MINDY4B: variants seen among roughly 807,000 people sequenced by gnomAD.
MINDY4B encodes the protein MINDY family member 4B, also known as inactive ubiquitin carboxyl-terminal hydrolase MINDY-4B.
MINDY4B carries 25 observed loss-of-function variants against 16.7 expected under a neutral mutation model. That is an observed-to-expected ratio of 1.49 (90% CI 1.09 to 2.09). The LOEUF (loss-of-function observed/expected upper bound fraction) is 2.09, where lower values mean the gene tolerates loss of function less well. Ranked by LOEUF, MINDY4B falls within the 30% of genes most tolerant of loss-of-function variation. The probability of loss-of-function intolerance (pLI) is 0.00; values close to 1 mark genes in which losing one functional copy is unlikely to be tolerated. For missense variants in MINDY4B, 327 were observed against 168.4 expected (o/e 1.94, Z -5.21); for synonymous variants, 132 against 61.9 (o/e 2.13, Z -5.32).
intron 9 of MINDY4B, 129 bp downstream of exon 9, chr3:150,883,571 G>A (rs916769963): frequency 6.2e-5 from 39 of 627,386 alleles, no homozygotes; most frequent in Admixed American, 2.5e-5. Context: ...TTTACTTAAG[G>A]AGAGAATATA....
intron 11 of MINDY4B, among the ~76,000 whole-genome samples, chr3:150,872,661 G>A (rs983435455): frequency 1.2e-4 from 18 of 152,182 alleles, no homozygotes; most frequent in African/African-American, 3.1e-4. Context: ...GACCTGTGCC[G>A]CATTCACCAG....
chr3:150,887,836 CG>C (rs1348910318), intron 7 of MINDY4B, among the ~76,000 whole-genome samples: 3 of 152,032 alleles, frequency 2.0e-5, no homozygotes, highest in Admixed American at 2.0e-4. Context: ...TTGCCAGGCG[CG>C]GTGGCTCACG....
At chr3:150,890,682 T>A in intron 6 of MINDY4B, 1 of 506,986 alleles carries the variant, frequency 2.0e-6, no homozygotes, top group Non-Finnish European at 3.5e-6. Context: ...ACAGTGGATA[T>A]GGAAATATCA....
At chr3:150,884,470 T>C (rs1251668863) in intron 8 of MINDY4B, among the ~76,000 whole-genome samples, 2 of 152,150 alleles carry the variant, frequency 1.3e-5, no homozygotes, top group Non-Finnish European at 2.9e-5. Context: ...TCTCAAAGGG[T>C]GGTATGATAG....
intron 3 of MINDY4B, among the ~76,000 whole-genome samples, chr3:150,900,507 C>T (rs759841364): frequency 1.3e-5 from 2 of 152,166 alleles, no homozygotes; most frequent in Non-Finnish European, 1.5e-5. Flanking sequence ...AAACTGCCTC[C>T]CTAGAACAAG....
At chr3:150,889,296 C>T (rs563887042) in intron 7 of MINDY4B, among the ~76,000 whole-genome samples, 1 of 152,364 alleles carries the variant, frequency 6.6e-6, no homozygotes, top group South Asian at 2.1e-4. Context: ...TTTCTAAAGG[C>T]CCTGCCCACA....
At chr3:150,884,731 T>G (rs547783197) in intron 8 of MINDY4B, among the ~76,000 whole-genome samples, 2 of 152,284 alleles carry the variant, frequency 1.3e-5, no homozygotes, top group South Asian at 2.1e-4. Flanking sequence ...TATTTCTGAC[T>G]CTCCAAAGTT....
rs1716942670 is a variant in MINDY4B, at chr3:150,870,553, A to C, written c.*492T>G. 6.6e-6 allele frequency among the ~76,000 whole-genome samples: 1 copy of C among 152,222 alleles called. No individual in the cohort carries two copies. Among genetic ancestry groups the C allele is most frequent in the South Asian group, 2.1e-4 (1 of 4,828 alleles). On this transcript the variant is annotated 3_prime_UTR_variant, in exon 12 of 12. Transcript: ENST00000465419. ...ACTATTTTAATGACAAGAACTTGCTAATGTGGGCATATGAACTGTATCCTT... is the reference window on the plus strand; with the variant it reads ...ACTATTTTAATGACAAGAACTTGCTCATGTGGGCATATGAACTGTATCCTT...
intron 6 of MINDY4B, 161 bp downstream of exon 6, chr3:150,890,777 G>A (rs1711779131): frequency 5.3e-6 from 3 of 565,670 alleles, no homozygotes; most frequent in Admixed American, 6.0e-5. Flanking sequence ...TGTTGTGTCT[G>A]CTTGGATCAC....
Position 150,882,923 on chromosome 3 carries a change from C to T in MINDY4B, c.1033G>A (p.Ala345Thr). ...TGTGAGAGTCTGTCATCTTCCGAGG[C>T]ATCCTTACCCCACTGCAAATAGCCA... ...DVGYLQWGKDASEDDRLSQVG... is the reference protein window; with the variant it reads ...DVGYLQWGKDTSEDDRLSQVG... The change falls in exon 10 of 12, where the codon GCC becomes ACC. Residue 345 changes from alanine to threonine, a missense_variant. Ala to Thr is a moderately conservative substitution (Grantham distance 58, BLOSUM62 0). Transcript: ENST00000465419. 1 of 702,606 alleles carries T rather than the reference C, an allele frequency of 1.4e-6. No homozygotes were observed. Among genetic ancestry groups the T allele is most frequent in the Non-Finnish European group, 2.6e-6 (1 of 384,638 alleles). The allele number at this position is 702,606 out of a possible 1,614,324, so 43.5% of individuals were successfully genotyped here.
chr3:150,871,155 G>A lies in MINDY4B; in HGVS notation c.1273C>T (p.Gln425Ter), dbSNP rs953833312. Residue 425 changes from glutamine (Q) to a stop codon, truncating the protein, a stop_gained, in exon 12 of 12, where the codon CAG (glutamine) becomes TAG (stop). Coordinates refer to ENST00000465419, the MANE Select transcript of MINDY4B (RefSeq NM_001351281.2). LOFTEE classifies it low-confidence loss of function (END_TRUNC). ...THSHHWERDQ[Q>*]EEKHGPRRRF... ...CGTCTTGGTCCATGTTTCTCTTCCTGTTGGTCTCTTTCCCAGTGATGGGAG... is the reference window on the plus strand; with the variant it reads ...CGTCTTGGTCCATGTTTCTCTTCCTATTGGTCTCTTTCCCAGTGATGGGAG... The A allele has an allele frequency of 5.7e-6, 4 of 702,792 alleles. No individual in the cohort carries two copies. Among genetic ancestry groups the A allele is most frequent in the Non-Finnish European group, 7.8e-6 (3 of 384,824 alleles). The allele number at this position is 702,792 out of a possible 1,614,324, so 43.5% of individuals were successfully genotyped here. A position where few individuals can be genotyped will look rare whatever the true frequency, so the allele number is the denominator to read the frequency against.
chr3:150,874,190 G>GT (rs1320835216), intron 10 of MINDY4B, among the ~76,000 whole-genome samples: 3 of 151,738 alleles, frequency 2.0e-5, no homozygotes, highest in South Asian at 2.1e-4. Context: ...TAATTTTTGT[G>GT]TTTTTTGTAG....
intron 3 of MINDY4B, among the ~76,000 whole-genome samples, chr3:150,896,314 C>G (rs1006696124): frequency 1.3e-5 from 2 of 152,258 alleles, no homozygotes; most frequent in African/African-American, 4.8e-5. Flanking sequence ...TGGGCTTCAC[C>G]TTTCCCTGGT....
At chr3:150,897,669 A>G (rs1322224447) in intron 3 of MINDY4B, among the ~76,000 whole-genome samples, 1 of 152,202 alleles carries the variant, frequency 6.6e-6, no homozygotes, top group African/African-American at 2.4e-5. Context: ...TTTCCCGGCC[A>G]TCTCTACTTC....
intron 3 of MINDY4B, among the ~76,000 whole-genome samples, chr3:150,895,192 AAGTT>A (rs781116479): frequency 6.6e-6 from 1 of 152,190 alleles, no homozygotes; most frequent in African/African-American, 2.4e-5. Context: ...AGACCCAAAT[AAGTT>A]AGAGTATTTG....
chr3:150,877,506 A>G (rs1711498525), intron 10 of MINDY4B, among the ~76,000 whole-genome samples: 2 of 152,160 alleles, frequency 1.3e-5, no homozygotes, highest in African/African-American at 2.4e-5. Context: ...TTTCAGTTCT[A>G]TGCAGGATGT....
intron 5 of MINDY4B, among the ~76,000 whole-genome samples, chr3:150,891,950 T>C (rs998159231): frequency 6.6e-6 from 1 of 152,174 alleles, no homozygotes; most frequent in African/African-American, 2.4e-5. Flanking sequence ...ATTTAATATT[T>C]GCCATAGGCC....
chr3:150,882,985 T>C lies in MINDY4B; in HGVS notation c.971A>G (p.Gln324Arg). 1.4e-6 allele frequency: 1 copy of C among 702,802 alleles called. No individual in the cohort carries two copies. Among genetic ancestry groups the C allele is most frequent in the South Asian group, 1.5e-5 (1 of 67,594 alleles). The allele number at this position is 702,802 out of a possible 1,614,324, so 43.5% of individuals were successfully genotyped here. ...VFNGCEEGKS[Q>R]ETLHGVLTRS... ...GGTCAGGACTCCATGTAGTGTTTCC[T>C]GAGACTTTCCTTCCTCACAGCCATT... The change falls in exon 10 of 12, where the codon CAG becomes CGG. Residue 324 changes from glutamine (Q) to arginine (R), a missense_variant. Gln to Arg is a conservative substitution (Grantham distance 43). Transcript: ENST00000465419.
In MINDY4B at chr3:150,893,358, A is replaced by T; in HGVS notation, c.487T>A (p.Phe163Ile). Residue 163 changes from phenylalanine (F) to isoleucine (I), a missense_variant, in exon 5 of 12, where the codon TTT becomes ATT. Transcript: ENST00000465419. ...VQGSIIKYLL[F>I]TRKGKDCNLG... ...TTACAGTCTTTTCCTTTCCTGGTAAACAACAAGTATTTGATGATGGATCCT... is the reference window on the plus strand; with the variant it reads ...TTACAGTCTTTTCCTTTCCTGGTAATCAACAAGTATTTGATGATGGATCCT... 1 of 702,778 alleles carries T rather than the reference A, an allele frequency of 1.4e-6. No individual in the cohort carries two copies. Among genetic ancestry groups the T allele is most frequent in the Non-Finnish European group, 2.6e-6 (1 of 384,814 alleles). The allele number at this position is 702,778 out of a possible 1,614,324, so 43.5% of individuals were successfully genotyped here.
Sources: allele counts gnomAD v4.1 joint callset (sites outside exome capture counted in the v4.1 genomes callset), GRCh38; gene constraint gnomAD v4.1.1; transcripts MANE v1.5; gene names NCBI Gene and HGNC (gene_info 2026-07-23, HGNC 2026-07-21).